Variants in ANKRD30A observed in about 807,000 individuals in gnomAD.
The protein encoded by ANKRD30A is ankyrin repeat domain 30A.
ANKRD30A carries 170 observed loss-of-function variants against 166.3 expected under a neutral mutation model. The ratio of observed to expected loss-of-function variants is 1.02; its 90% CI spans 0.90 to 1.16. ANKRD30A has a LOEUF of 1.16. Among genes scored for constraint, ANKRD30A ranks in the 50% most tolerant of loss-of-function variants. The pLI is 0.00. For synonymous variants in ANKRD30A, 564 were observed against 508.9 expected (o/e 1.11, Z -1.46); for missense variants, 1,630 against 1,518.0 (o/e 1.07, Z -1.23).
intron 11 of ANKRD30A, among the ~76,000 whole-genome samples, 164 bp downstream of exon 11, chr10:37,150,013 C>G (rs114515059): frequency 0.012 from 1,788 of 151,990 alleles, 39 homozygotes; most frequent in African/African-American, 0.041. Context: ...ATTACAAGAA[C>G]AGTAATTTTT....
intron 31 of ANKRD30A, among the ~76,000 whole-genome samples, chr10:37,214,154 A>C (rs1842485616): frequency 6.6e-6 from 1 of 151,694 alleles, no homozygotes; most frequent in Non-Finnish European, 1.5e-5. Context: ...TTGTCACTAT[A>C]AAATGACTTT....
chr10:37,200,106 C>CCGT (rs1841500765), intron 30 of ANKRD30A, among the ~76,000 whole-genome samples: 3 of 151,992 alleles, frequency 2.0e-5, no homozygotes, highest in Non-Finnish European at 4.4e-5. Flanking sequence ...GAGTCCAGCT[C>CCGT]TGGGCAAATA....
At chr10:37,227,608 C>CTTTT (rs1287942199) in intron 34 of ANKRD30A, among the ~76,000 whole-genome samples, 1 of 151,898 alleles carries the variant, frequency 6.6e-6, no homozygotes, top group Non-Finnish European at 1.5e-5. Context: ...AACATCTTTA[C>CTTTT]TTTTTGTTTC....
intron 6 of ANKRD30A, among the ~76,000 whole-genome samples, chr10:37,138,789 T>C (rs1836897884): frequency 2.0e-5 from 3 of 152,174 alleles, no homozygotes; most frequent in Admixed American, 1.3e-4. Flanking sequence ...TGGAACCAAG[T>C]TGGAAAACAC....
chr10:37,222,107 C>A (rs183007392), intron 34 of ANKRD30A, among the ~76,000 whole-genome samples: 15 of 151,400 alleles, frequency 9.9e-5, no homozygotes, highest in Non-Finnish European at 2.1e-4. Context: ...ATAAAATTCA[C>A]ATATCATATA....
chr10:37,221,044 ATT>A lies in ANKRD30A; in HGVS notation c.4185+1164_4185+1165del, dbSNP rs35150938. ...ATTTACCACCATTAGTCCTTCCCAC[ATT>A]TTTTTTTTTTTTTTTTGAGACTTCA... On this transcript the variant is annotated intron_variant, in intron 34 of 35. Transcript: ENST00000361713. Among the ~76,000 whole-genome samples the A allele has an allele frequency of 5.6e-3, 730 of 130,968 alleles. 9 individuals carry two copies. Among genetic ancestry groups the A allele is most frequent in the African/African-American group, 0.016 (586 of 35,902 alleles). The allele number at this position is 130,968 out of a possible 152,430, so 85.9% of individuals were successfully genotyped here. A position where few individuals can be genotyped will look rare whatever the true frequency, so the allele number is the denominator to read the frequency against.
chr10:37,158,720 T>A, intron 15 of ANKRD30A, 134 bp downstream of exon 15: 1 of 1,330,186 alleles, frequency 7.5e-7, no homozygotes. Flanking sequence ...AATGCCAATG[T>A]GAGTATTTCT....
At chr10:37,211,134 T>A (rs991020097) in intron 31 of ANKRD30A, among the ~76,000 whole-genome samples, 22 of 151,812 alleles carry the variant, frequency 1.4e-4, no homozygotes, top group African/African-American at 2.4e-4. Context: ...TCTTTTTTTT[T>A]ATCTAGAATT....
intron 34 of ANKRD30A, among the ~76,000 whole-genome samples, chr10:37,224,568 T>C (rs1843052226): frequency 6.6e-6 from 1 of 151,302 alleles, no homozygotes; most frequent in Non-Finnish European, 1.5e-5. Context: ...TAATTGTGTT[T>C]TTGCCACTCA....
intron 5 of ANKRD30A, among the ~76,000 whole-genome samples, chr10:37,134,592 T>C (rs1274574097): frequency 1.3e-5 from 2 of 152,174 alleles, no homozygotes; most frequent in Non-Finnish European, 2.9e-5. Flanking sequence ...TTCAAAGTTA[T>C]TACAGTTTTT....
the ANKRD30A span, among the ~76,000 whole-genome samples, chr10:37,247,860 C>T: frequency 8.7e-5 from 12 of 138,460 alleles, no homozygotes; most frequent in Admixed American, 3.9e-4. Context: ...CCAGCCTGGG[C>T]GACAGAGTGA....
At chr10:37,155,745 AC>A (rs1205452818) in intron 13 of ANKRD30A, among the ~76,000 whole-genome samples, 2 of 152,290 alleles carry the variant, frequency 1.3e-5, no homozygotes, top group East Asian at 3.9e-4. Context: ...TTCTACAGCA[AC>A]TGTTTAGTTT....
At position 37,125,997 on chromosome 10, in the gene ANKRD30A, C is replaced by A; in HGVS notation, c.210C>A (p.Asp70Glu). The A allele has an allele frequency of 6.2e-7, 1 of 1,611,954 alleles. No homozygotes were observed. Among genetic ancestry groups the A allele is most frequent in the Non-Finnish European group, 8.5e-7 (1 of 1,179,916 alleles). Residue 70 changes from aspartate (D) to glutamate (E), a missense_variant, in exon 1 of 36, where the codon GAC becomes GAA. Physicochemically the swap from Asp to Glu is conservative, Grantham distance 45 (BLOSUM62 2). Coordinates refer to ENST00000361713, the MANE Select transcript of ANKRD30A (RefSeq NM_052997.3). ...RKKTINLNIQ[D>E]AQKRTALHWA... The stretch of plus-strand genomic sequence containing the variant: ...AGACCATCAACCTTAATATACAAGA[C>A]GCCCAGAAGAGGTACCAGGCCCTGC...
chr10:37,183,543 T>A (rs1371427171), intron 24 of ANKRD30A, among the ~76,000 whole-genome samples: 3 of 146,958 alleles, frequency 2.0e-5, no homozygotes, highest in African/African-American at 7.4e-5. Context: ...AATCAAAATT[T>A]TGTTTATAAT....
At chr10:37,205,593 T>C (rs73244429) in intron 31 of ANKRD30A, among the ~76,000 whole-genome samples, 3,809 of 152,284 alleles carry the variant, frequency 0.025, 161 homozygotes, top group African/African-American at 0.087. Context: ...GAACTTAATG[T>C]ATAATAACAA....
intron 1 of ANKRD30A, among the ~76,000 whole-genome samples, chr10:37,129,050 A>C (rs1836225977): frequency 1.3e-5 from 2 of 152,196 alleles, no homozygotes; most frequent in Non-Finnish European, 2.9e-5. Context: ...GAAGCTTTAA[A>C]AATATTAAAG....
chr10:37,183,930 C>T (rs1375355476), intron 24 of ANKRD30A, among the ~76,000 whole-genome samples: 10 of 150,058 alleles, frequency 6.7e-5, no homozygotes, highest in Admixed American at 2.0e-4. Context: ...TGGCAGATCA[C>T]GAGGTTAGGA....
chr10:37,257,858 C>T, the ANKRD30A span, among the ~76,000 whole-genome samples: 1 of 152,254 alleles, frequency 6.6e-6, no homozygotes, highest in African/African-American at 2.4e-5. Context: ...AGCGGACTAA[C>T]ACAGGAACAG....
chr10:37,264,856 T>A, the ANKRD30A span, among the ~76,000 whole-genome samples: 1 of 152,162 alleles, frequency 6.6e-6, no homozygotes, highest in African/African-American at 2.4e-5. Flanking sequence ...TTTAAAGTAT[T>A]ATAAAAAGTC....
Sources: gnomAD v4.1 joint callset for allele counts (sites outside exome capture counted in the v4.1 genomes callset) on GRCh38, gnomAD v4.1.1 for gene constraint, MANE v1.5 for transcripts, NCBI Gene and HGNC (gene_info 2026-07-23, HGNC 2026-07-21) for gene names.